Variants in PIAS2 observed in about 807,000 individuals in gnomAD.
The protein encoded by PIAS2 is E3 SUMO-protein ligase PIAS2.
PIAS2 carries 19 observed loss-of-function variants against 69.7 expected under a neutral mutation model. The ratio of observed to expected loss-of-function variants is 0.27; its 90% CI spans 0.19 to 0.40. PIAS2 has a LOEUF of 0.40. Among genes scored for constraint, PIAS2 ranks in the 10% least tolerant of loss-of-function variants. PIAS2 has a pLI of 1.00. For missense variants in PIAS2, 624 were observed against 757.0 expected (o/e 0.82, Z 2.06); for synonymous variants, 261 against 263.2 (o/e 0.99, Z 0.08).
At chr18:46,904,227 G>C in intron 1 of PIAS2, 1 of 152,004 alleles carries the variant, frequency 6.6e-6, no homozygotes, top group Non-Finnish European at 1.5e-5. Flanking sequence ...ACTAGAGAGA[G>C]TATACAGAAT....
chr18:46,870,259 G>A (rs72911111), intron 2 of PIAS2, among the ~76,000 whole-genome samples: 7,042 of 152,114 alleles, frequency 0.046, 187 homozygotes, highest in Non-Finnish European at 0.064. Context: ...GTGCCCCTTG[G>A]AGGAGAAGGA....
At chr18:46,878,219 A>C (rs895011319) in intron 2 of PIAS2, among the ~76,000 whole-genome samples, 1 of 152,198 alleles carries the variant, frequency 6.6e-6, no homozygotes, top group Non-Finnish European at 1.5e-5. Flanking sequence ...CACTTTTCTC[A>C]CCTGCCTTTT....
At chr18:46,852,247 A>G (rs1638809200) in intron 5 of PIAS2, among the ~76,000 whole-genome samples, 1 of 152,206 alleles carries the variant, frequency 6.6e-6, no homozygotes, top group Non-Finnish European at 1.5e-5. Flanking sequence ...TCAGATGCGC[A>G]TGTGAATTTC....
At chr18:46,876,277 G>A (rs750955814) in intron 2 of PIAS2, among the ~76,000 whole-genome samples, 3 of 152,198 alleles carry the variant, frequency 2.0e-5, no homozygotes, top group Admixed American at 6.5e-5. Context: ...TGACCCTCAC[G>A]TTTATATAGA....
At chr18:46,888,604 C>T (rs1598853312) in intron 2 of PIAS2, among the ~76,000 whole-genome samples, 1 of 152,164 alleles carries the variant, frequency 6.6e-6, no homozygotes, top group African/African-American at 2.4e-5. Context: ...AGTTTCATGG[C>T]AGACAATTTT....
At chr18:46,861,774 A>G (rs1338977467) in intron 3 of PIAS2, among the ~76,000 whole-genome samples, 1 of 152,188 alleles carries the variant, frequency 6.6e-6, no homozygotes, top group Non-Finnish European at 1.5e-5. Context: ...AAAAACTAAG[A>G]AACTGTAACA....
intron 1 of PIAS2, among the ~76,000 whole-genome samples, chr18:46,912,266 T>C (rs1345704308): frequency 6.6e-6 from 1 of 152,212 alleles, no homozygotes; most frequent in Non-Finnish European, 1.5e-5. Context: ...CTCAAGTCTC[T>C]TACATGAAAT....
chr18:46,888,064 CTAA>C (rs1032707798), intron 2 of PIAS2, among the ~76,000 whole-genome samples: 1 of 151,790 alleles, frequency 6.6e-6, no homozygotes, highest in African/African-American at 2.4e-5. Context: ...TTTTTATAAA[CTAA>C]TAATAAATAT....
intron 5 of PIAS2, among the ~76,000 whole-genome samples, chr18:46,847,332 C>A (rs1257907611): frequency 1.3e-5 from 2 of 152,136 alleles, no homozygotes; most frequent in Non-Finnish European, 2.9e-5. Context: ...ACTGCCTTTT[C>A]TCTGGGTGGA....
At chr18:46,902,479 G>A (rs1252610688) in intron 1 of PIAS2, among the ~76,000 whole-genome samples, 1 of 151,982 alleles carries the variant, frequency 6.6e-6, no homozygotes, top group Non-Finnish European at 1.5e-5. Flanking sequence ...AGAATTGCTT[G>A]AACCCGGGAG....
intron 5 of PIAS2, among the ~76,000 whole-genome samples, chr18:46,849,676 T>C (rs1442500085): frequency 6.6e-6 from 1 of 152,218 alleles, no homozygotes; most frequent in African/African-American, 2.4e-5. Flanking sequence ...CCAAATTTTC[T>C]AATTACCACT....
chr18:46,838,646 T>G (rs902885850), intron 8 of PIAS2, among the ~76,000 whole-genome samples: 2 of 152,342 alleles, frequency 1.3e-5, no homozygotes, highest in Non-Finnish European at 2.9e-5. Flanking sequence ...TAAAAACAAA[T>G]TATTTCTTAA....
At chr18:46,819,969 A>C (rs912134602) in intron 12 of PIAS2, among the ~76,000 whole-genome samples, 1 of 152,136 alleles carries the variant, frequency 6.6e-6, no homozygotes, top group Non-Finnish European at 1.5e-5. Context: ...GATTGCAGTT[A>C]CCTGTGGTCA....
intron 1 of PIAS2, chr18:46,906,461 A>T (rs2056607402): frequency 6.6e-6 from 1 of 152,318 alleles, no homozygotes; most frequent in South Asian, 2.1e-4. Flanking sequence ...AATCACAATT[A>T]GGAGTATAGC....
chr18:46,908,541 T>TA (rs60447275), intron 1 of PIAS2, among the ~76,000 whole-genome samples: 34 of 149,264 alleles, frequency 2.3e-4, no homozygotes, highest in East Asian at 5.9e-4. Flanking sequence ...TGAGAAAAGG[T>TA]AAAAAAAAAA....
chr18:46,818,378 C>T (rs1448550606), intron 12 of PIAS2: 12 of 1,547,606 alleles, frequency 7.8e-6, no homozygotes, highest in Non-Finnish European at 9.6e-6. Context: ...ATTTTGTATT[C>T]ACTGTTGCAC....
At chr18:46,917,917 T>C (rs1026117522), upstream of PIAS2, 1 of 152,136 alleles carries the variant, frequency 6.6e-6, no homozygotes, top group African/African-American at 2.4e-5. Context: ...AATCTAAATA[T>C]GGGTGTTGGG....
At chr18:46,855,207 C>T in intron 5 of PIAS2, 138 bp downstream of exon 5, 1 of 524,306 alleles carries the variant, frequency 1.9e-6, no homozygotes, top group Non-Finnish European at 3.4e-6. Flanking sequence ...CCATGGGTTA[C>T]CCTAGTGGAA....
At chr18:46,890,524 G>T in intron 2 of PIAS2, 56 bp downstream of exon 2, 1 of 1,013,608 alleles carries the variant, frequency 9.9e-7, no homozygotes, top group Non-Finnish European at 1.5e-6. Flanking sequence ...ATAGTTGAAG[G>T]TCTCTCATTT....
Sources: allele counts gnomAD v4.1 joint callset (sites outside exome capture counted in the v4.1 genomes callset), GRCh38; gene constraint gnomAD v4.1.1; transcripts MANE v1.5; gene names NCBI Gene and HGNC (gene_info 2026-07-23, HGNC 2026-07-21).